AUTS2: variants seen among roughly 807,000 people sequenced by gnomAD.
AUTS2 encodes the protein activator of transcription and developmental regulator AUTS2.
A neutral mutation model predicts 112.4 loss-of-function variants in AUTS2; 17 were observed. The observed-to-expected ratio is 0.15, with a 90% CI of 0.10 to 0.23. The LOEUF (loss-of-function observed/expected upper bound fraction) is 0.23, where lower values mean the gene tolerates loss of function less well. Ranked by LOEUF, AUTS2 falls within the 10% of genes least tolerant of loss-of-function variation. The pLI, the probability that AUTS2 is intolerant of heterozygous loss-of-function variation, is 1.00. For synonymous variants in AUTS2, 751 were observed against 702.7 expected, an observed-to-expected ratio of 1.07 and a Z score of -1.09; for missense variants, 1,510 against 1,701.6, an observed-to-expected ratio of 0.89 and a Z score of 1.98.
At chr7:69,697,091 A>G (rs1797593621) in intron 1 of AUTS2, among the ~76,000 whole-genome samples, 1 of 152,234 alleles carries the variant, frequency 6.6e-6, no homozygotes, top group African/African-American at 2.4e-5. Context: ...TGGAGGGCTT[A>G]TTAAAATGTA....
At chr7:70,248,759 A>G (rs1290363232) in intron 4 of AUTS2, among the ~76,000 whole-genome samples, 1 of 152,198 alleles carries the variant, frequency 6.6e-6, no homozygotes, top group African/African-American at 2.4e-5. Flanking sequence ...TTTAATAAAA[A>G]CATTTCAAAG....
At chr7:70,085,144 A>G (rs1803529224) in intron 2 of AUTS2, among the ~76,000 whole-genome samples, 1 of 152,028 alleles carries the variant, frequency 6.6e-6, no homozygotes, top group South Asian at 2.1e-4. Context: ...CCCAAAGCAA[A>G]GGTTTCAAAT....
rs190784045 is a variant in AUTS2, at chr7:70,433,187, C to A, written c.661-2565C>A. 1.4e-3 allele frequency among the ~76,000 whole-genome samples: 220 copies of A among 152,252 alleles called. 1 individual carries two copies. The highest frequency in any genetic ancestry group is 2.1e-3 in the African/African-American group (86 of 41,542). On this transcript the variant is annotated intron_variant, in intron 4 of 18. Coordinates refer to ENST00000342771, the MANE Select transcript of AUTS2 (RefSeq NM_015570.4). The stretch of plus-strand genomic sequence containing the variant: ...AGCTTAACACTTTGATAGAAATAAC[C>A]ATTCCCAGGGACATACTGCCGTTAG...
At chr7:70,670,900 G>A (rs149846265) in intron 5 of AUTS2, among the ~76,000 whole-genome samples, 156 of 152,292 alleles carry the variant, frequency 1.0e-3, no homozygotes, top group African/African-American at 3.6e-3. Context: ...GGCGGGGTGC[G>A]GTGGCTCACG....
At chr7:69,690,024 A>G (rs1019643947) in intron 1 of AUTS2, among the ~76,000 whole-genome samples, 2 of 152,132 alleles carry the variant, frequency 1.3e-5, no homozygotes, top group Non-Finnish European at 2.9e-5. Context: ...ACAACTTTTT[A>G]CCATCTGAAT....
chr7:70,739,219 G>A (rs1787958005), intron 6 of AUTS2, among the ~76,000 whole-genome samples: 2 of 151,410 alleles, frequency 1.3e-5, no homozygotes, highest in Non-Finnish European at 2.9e-5. Flanking sequence ...GAAGAGACAG[G>A]GTCTCACCAT....
chr7:70,345,701 A>G (rs914502684), intron 4 of AUTS2, among the ~76,000 whole-genome samples: 19 of 152,166 alleles, frequency 1.2e-4, no homozygotes, highest in African/African-American at 3.4e-4. Flanking sequence ...CCCCCTTAGT[A>G]TGCATCATGA....
intron 5 of AUTS2, among the ~76,000 whole-genome samples, chr7:70,663,305 G>T (rs546589474): frequency 1.1e-4 from 16 of 152,214 alleles, no homozygotes; most frequent in Non-Finnish European, 1.9e-4. Flanking sequence ...TGAGGCAGGA[G>T]AATTGCTTGA....
chr7:69,790,199 G>C (rs1040167207), intron 1 of AUTS2, among the ~76,000 whole-genome samples: 2 of 152,176 alleles, frequency 1.3e-5, no homozygotes, highest in East Asian at 1.9e-4. Flanking sequence ...GCTGAGGTGG[G>C]AGGATCACTT....
chr7:70,504,210 A>G (rs1798877869), intron 5 of AUTS2, among the ~76,000 whole-genome samples: 1 of 151,766 alleles, frequency 6.6e-6, no homozygotes, highest in South Asian at 2.1e-4. Flanking sequence ...TTCTGCTTGC[A>G]TTCCTTCCTC....
chr7:70,289,345 G>C (rs532969895), intron 4 of AUTS2, among the ~76,000 whole-genome samples: 2 of 152,288 alleles, frequency 1.3e-5, no homozygotes, highest in East Asian at 3.9e-4. Context: ...TCTGAGACCA[G>C]GGAATAAAAT....
intron 1 of AUTS2, among the ~76,000 whole-genome samples, chr7:69,632,205 A>G (rs988450958): frequency 6.6e-6 from 1 of 152,222 alleles, no homozygotes; most frequent in Non-Finnish European, 1.5e-5. Flanking sequence ...GAACTTTTGC[A>G]TATACCACCT....
At chr7:70,014,720 C>G (rs1176351935) in intron 2 of AUTS2, among the ~76,000 whole-genome samples, 1 of 152,210 alleles carries the variant, frequency 6.6e-6, no homozygotes, top group Non-Finnish European at 1.5e-5. Context: ...ATGACACATG[C>G]CTGTAGGCAG....
rs1308383478 is a variant in AUTS2, at chr7:70,390,714, G to A, written c.661-45038G>A. On this transcript the variant is annotated intron_variant, in intron 4 of 18. Transcript: ENST00000342771. ...ACTGCTATGCTAAGAAGGGGCCAGC[G>A]AAGATGGGAAGAGTTAGGTAGTTCC... Among the ~76,000 whole-genome samples, 6 of 152,194 alleles carry A rather than the reference G, an allele frequency of 3.9e-5. No homozygotes were observed. The South Asian group carries it at 6.2e-4, about 16-fold the overall frequency.
chr7:69,900,920 T>C (rs1003011308), intron 2 of AUTS2, among the ~76,000 whole-genome samples: 4 of 152,168 alleles, frequency 2.6e-5, no homozygotes, highest in African/African-American at 9.7e-5. Flanking sequence ...GTTTTTATAG[T>C]ATAACCTATA....
At chr7:70,671,064 C>T (rs950989890) in intron 5 of AUTS2, among the ~76,000 whole-genome samples, 2 of 152,120 alleles carry the variant, frequency 1.3e-5, no homozygotes, top group Non-Finnish European at 2.9e-5. Context: ...CCCAGCTACT[C>T]GGGAGGCTGA....
At chr7:70,072,327 C>T (rs1802812263) in intron 2 of AUTS2, among the ~76,000 whole-genome samples, 2 of 152,044 alleles carry the variant, frequency 1.3e-5, no homozygotes, top group Admixed American at 6.6e-5. Flanking sequence ...ACAGCTTGTG[C>T]CTGACCACAT....
chr7:70,175,660 T>C (rs1808948265), intron 4 of AUTS2, among the ~76,000 whole-genome samples: 1 of 152,108 alleles, frequency 6.6e-6, no homozygotes, highest in Non-Finnish European at 1.5e-5. Flanking sequence ...TGCAAGACCC[T>C]CCACCAGCAA....
At chr7:69,728,700 A>G (rs932549718) in intron 1 of AUTS2, among the ~76,000 whole-genome samples, 1 of 124,406 alleles carries the variant, frequency 8.0e-6, no homozygotes, top group Non-Finnish European at 1.7e-5. Context: ...TTTTTTTTTA[A>G]TTTAAACACA....
Sources: allele counts gnomAD v4.1 joint callset (sites outside exome capture counted in the v4.1 genomes callset), GRCh38; gene constraint gnomAD v4.1.1; transcripts MANE v1.5; gene names NCBI Gene and HGNC (gene_info 2026-07-23, HGNC 2026-07-21).